Variants in ELMO1 observed in about 807,000 individuals in gnomAD.
The protein encoded by ELMO1 is engulfment and cell motility 1.
Under a neutral mutation model 98.9 loss-of-function variants are expected in ELMO1, and 26 were observed. The ratio of observed to expected loss-of-function variants is 0.26; its 90% CI spans 0.19 to 0.36. The LOEUF is 0.36. Among genes scored for constraint, ELMO1 ranks in the 10% least tolerant of loss-of-function variants. The probability of loss-of-function intolerance (pLI) is 1.00; values close to 1 mark genes in which losing one functional copy is unlikely to be tolerated. For synonymous variants in ELMO1, 346 were observed against 346.0 expected (o/e 1.00, Z 0.00); for missense variants, 627 against 935.2 (o/e 0.67, Z 4.30).
chr7:37,301,228 G>A (rs964552824), intron 4 of ELMO1, among the ~76,000 whole-genome samples: 1 of 151,800 alleles, frequency 6.6e-6, no homozygotes, highest in Non-Finnish European at 1.5e-5. Context: ...ATGAAGTCAT[G>A]GAGAGAAGGA....
chr7:37,112,790 T>C (rs966950519), intron 14 of ELMO1, among the ~76,000 whole-genome samples: 44 of 152,354 alleles, frequency 2.9e-4, no homozygotes, highest in African/African-American at 8.7e-4. Context: ...TAAAATTATC[T>C]GACAATGTCA....
chr7:37,175,955 T>C (rs35099164), intron 13 of ELMO1, among the ~76,000 whole-genome samples: 18,660 of 152,222 alleles, frequency 0.12, 1,227 homozygotes, highest in Middle Eastern at 0.26. Context: ...TAGTTCCAAG[T>C]TGAACTGCAA....
intron 14 of ELMO1, among the ~76,000 whole-genome samples, chr7:37,129,298 G>T (rs1786742772): frequency 6.6e-6 from 1 of 152,152 alleles, no homozygotes. Context: ...AGATGGGTTT[G>T]AAGGTTCCAG....
intron 16 of ELMO1, among the ~76,000 whole-genome samples, chr7:36,926,876 A>T (rs1159688338): frequency 1.3e-5 from 2 of 152,126 alleles, no homozygotes; most frequent in Non-Finnish European, 2.9e-5. Context: ...TTTTGCATTA[A>T]TTTTTTTCCT....
chr7:37,343,652 T>G (rs1800836342), intron 1 of ELMO1, among the ~76,000 whole-genome samples: 1 of 152,148 alleles, frequency 6.6e-6, no homozygotes, highest in Non-Finnish European at 1.5e-5. Context: ...TGGCTAATTT[T>G]TATATGTTTA....
chr7:37,213,340 C>T lies in ELMO1; in HGVS notation c.949G>A (p.Asp317Asn). The T allele has an allele frequency of 1.2e-6, 2 of 1,612,894 alleles. No individual in the cohort carries two copies. The highest frequency in any genetic ancestry group is 1.7e-6 in the Non-Finnish European group (2 of 1,179,634). ...GCTGTCCAATGAGCACTCACCTGGT[C>T]CTGGGGGTCCATTTTGGTCATCATC... ...DRMMTKMDPQ[D>N]QAQRDIIFEL... Residue 317 changes from aspartate (D) to asparagine (N), a missense_variant, in exon 12 of 22, where the codon GAC becomes AAC. Coordinates refer to ENST00000310758, the MANE Select transcript of ELMO1 (RefSeq NM_014800.11).
intron 8 of ELMO1, among the ~76,000 whole-genome samples, chr7:37,229,322 C>T (rs1412508544): frequency 6.6e-6 from 1 of 151,982 alleles, no homozygotes; most frequent in Non-Finnish European, 1.5e-5. Flanking sequence ...TTTTCTTACT[C>T]TCTCCCTAAG....
At chr7:37,415,524 A>G (rs1001853986) in intron 1 of ELMO1, among the ~76,000 whole-genome samples, 6 of 152,192 alleles carry the variant, frequency 3.9e-5, no homozygotes, top group African/African-American at 1.4e-4. Flanking sequence ...ATAAAATGTG[A>G]GTTATGATAG....
chr7:37,374,533 C>T (rs1305504230), intron 1 of ELMO1, among the ~76,000 whole-genome samples: 2 of 151,432 alleles, frequency 1.3e-5, no homozygotes, highest in Non-Finnish European at 2.9e-5. Flanking sequence ...GGGTGGATCA[C>T]AAGGTCAGGA....
intron 14 of ELMO1, among the ~76,000 whole-genome samples, chr7:37,128,158 A>G (rs530340379): frequency 6.6e-6 from 1 of 152,354 alleles, no homozygotes; most frequent in East Asian, 1.9e-4. Context: ...GCACCACTGC[A>G]CTGCAGCCTG....
At chr7:37,224,504 C>T (rs540414492) in intron 9 of ELMO1, among the ~76,000 whole-genome samples, 14 of 152,292 alleles carry the variant, frequency 9.2e-5, no homozygotes, top group South Asian at 2.1e-4. Context: ...TATGAAAATA[C>T]TCATTATATC....
At chr7:37,243,001 T>A (rs534286092) in intron 7 of ELMO1, among the ~76,000 whole-genome samples, 1 of 152,326 alleles carries the variant, frequency 6.6e-6, no homozygotes, top group South Asian at 2.1e-4. Context: ...AGTGCCTTCA[T>A]ATAGTTGGTT....
At chr7:37,230,891 A>C (rs1186499024) in intron 8 of ELMO1, among the ~76,000 whole-genome samples, 1 of 152,174 alleles carries the variant, frequency 6.6e-6, no homozygotes, top group Non-Finnish European at 1.5e-5. Context: ...ATTCCCTGCC[A>C]CCACCAAAGG....
intron 16 of ELMO1, among the ~76,000 whole-genome samples, chr7:36,953,202 G>A (rs746249805): frequency 2.6e-5 from 4 of 151,886 alleles, no homozygotes; most frequent in Non-Finnish European, 4.4e-5. Flanking sequence ...TCCTGACATC[G>A]TGGATCCACC....
At chr7:37,368,913 A>G (rs1397741573) in intron 1 of ELMO1, among the ~76,000 whole-genome samples, 1 of 152,190 alleles carries the variant, frequency 6.6e-6, no homozygotes, top group East Asian at 1.9e-4. Context: ...CATTAAATAC[A>G]TTGTATGCCT....
Position 37,413,651 on chromosome 7 carries a change from G to A in ELMO1, c.-74+35024C>T, listed in dbSNP as rs182604677. On this transcript the variant is annotated intron_variant, in intron 1 of 21. Coordinates refer to ENST00000310758, the MANE Select transcript of ELMO1 (RefSeq NM_014800.11). ...TCTAAAGTTCCAGCATGTCACTCAGGAAAACACCCTTCAGCACTTTCCTTT... is the reference window on the plus strand; with the variant it reads ...TCTAAAGTTCCAGCATGTCACTCAGAAAAACACCCTTCAGCACTTTCCTTT... 2.0e-5 allele frequency among the ~76,000 whole-genome samples: 3 copies of A among 152,064 alleles called. No homozygotes were observed. The South Asian group carries it at 6.2e-4, about 32-fold the overall frequency.
At chr7:37,070,799 T>G (rs1412461950) in intron 15 of ELMO1, among the ~76,000 whole-genome samples, 2 of 152,176 alleles carry the variant, frequency 1.3e-5, no homozygotes, top group Non-Finnish European at 2.9e-5. Context: ...GTAATCCAGT[T>G]AAGGGGAGCA....
chr7:37,242,436 C>G (rs1217955733), intron 7 of ELMO1, among the ~76,000 whole-genome samples: 1 of 152,178 alleles, frequency 6.6e-6, no homozygotes, highest in Non-Finnish European at 1.5e-5. Flanking sequence ...TGGGTCATCT[C>G]AGGGCCAGTT....
chr7:37,123,029 A>G (rs977391293), intron 14 of ELMO1, among the ~76,000 whole-genome samples: 5 of 152,068 alleles, frequency 3.3e-5, no homozygotes, highest in African/African-American at 7.3e-5. Context: ...CTGCTCCTGA[A>G]TGACTACTAG....
Sources: allele counts gnomAD v4.1 joint callset (sites outside exome capture counted in the v4.1 genomes callset), GRCh38; gene constraint gnomAD v4.1.1; transcripts MANE v1.5; gene names NCBI Gene and HGNC (gene_info 2026-07-23, HGNC 2026-07-21).